BBS9: variants seen among roughly 807,000 people sequenced by gnomAD.
BBS9 encodes the protein protein PTHB1.
Under a neutral mutation model 117.7 loss-of-function variants are expected in BBS9, and 89 were observed. The ratio of observed to expected loss-of-function variants is 0.76; its 90% CI spans 0.64 to 0.90. BBS9 has a LOEUF of 0.90. Ranked by LOEUF, BBS9 falls within the 40% of genes least tolerant of loss-of-function variation. The probability of loss-of-function intolerance (pLI) is 0.00; values close to 1 mark genes in which losing one functional copy is unlikely to be tolerated. For synonymous variants in BBS9, 379 were observed against 370.9 expected (o/e 1.02, Z -0.25); for missense variants, 982 against 1,042.2 (o/e 0.94, Z 0.80).
intron 21 of BBS9, among the ~76,000 whole-genome samples, chr7:33,553,309 G>A (rs567151440): frequency 2.8e-4 from 42 of 152,292 alleles, no homozygotes; most frequent in African/African-American, 8.9e-4. Context: ...CAATGTCTGC[G>A]TTAGCTACTA....
intron 19 of BBS9, among the ~76,000 whole-genome samples, chr7:33,442,041 G>A (rs1362308412): frequency 1.1e-4 from 17 of 151,906 alleles, no homozygotes; most frequent in Admixed American, 8.5e-4. Context: ...ACAGGCACCC[G>A]CCACCATGCC....
At chr7:33,612,732 C>T (rs1421421979) in intron 21 of BBS9, among the ~76,000 whole-genome samples, 1 of 152,022 alleles carries the variant, frequency 6.6e-6, no homozygotes, top group Non-Finnish European at 1.5e-5. Flanking sequence ...AGTACCTCTT[C>T]CGGATGTTTT....
chr7:33,346,033 A>G (rs932336957), intron 12 of BBS9, among the ~76,000 whole-genome samples: 1 of 152,170 alleles, frequency 6.6e-6, no homozygotes, highest in Non-Finnish European at 1.5e-5. Context: ...GGAACTTACT[A>G]TATTTGAGAA....
At chr7:33,613,742 C>T (rs1864995172) in intron 21 of BBS9, among the ~76,000 whole-genome samples, 2 of 151,964 alleles carry the variant, frequency 1.3e-5, no homozygotes, top group Non-Finnish European at 2.9e-5. Flanking sequence ...ATAGTATTCC[C>T]TTAAAGTGAC....
At chr7:33,253,643 G>A (rs73309308) in intron 5 of BBS9, among the ~76,000 whole-genome samples, 17,173 of 152,136 alleles carry the variant, frequency 0.11, 1,143 homozygotes, top group African/African-American at 0.18. Flanking sequence ...TATTTCTGTC[G>A]TGTTTAACCA....
chr7:33,209,066 T>G (rs10278228), intron 5 of BBS9, among the ~76,000 whole-genome samples: 23,610 of 152,186 alleles, frequency 0.16, 2,047 homozygotes, highest in South Asian at 0.23. Context: ...TATTTTTTTG[T>G]ACATTTAGCC....
rs187174509 is a variant in BBS9 at position 33,390,269 on chromosome 7, G to C, written c.2115+2125G>C. The C allele has an allele frequency of 5.0e-5, 49 of 985,378 alleles. No individual in the cohort carries two copies. In the East Asian group the frequency reaches 5.1e-3, roughly 103 times the overall value. 61.0% of individuals were successfully genotyped at this position (985,378 alleles called of 1,614,324 possible). On this transcript the variant is annotated intron_variant, in intron 19 of 22. Transcript: ENST00000242067. The stretch of plus-strand genomic sequence containing the variant: ...GGTGGAAGGGCATTTAAAGGAACTT[G>C]AAGAGGATGCTTGATTTAATGCTTT...
rs749403663 is a variant in BBS9, at chr7:33,177,507, C to T, written c.358C>T (p.Gln120Ter). The change falls in exon 5 of 23, where the codon CAA (glutamine) becomes TAA (stop). Residue 120 changes from glutamine (Q) to a stop codon, truncating the protein, a stop_gained. Transcript: ENST00000242067. LOFTEE classifies it high-confidence loss of function. ...CTTGGGTAATGTGGAACATGGGAACCAATGTCAGATGAAATTGATGTATGA... is the reference window on the plus strand; with the variant it reads ...CTTGGGTAATGTGGAACATGGGAACTAATGTCAGATGAAATTGATGTATGA... ...GTLGNVEHGN[Q>*]CQMKLMYEHN... 1.9e-6 allele frequency: 3 copies of T among 1,612,258 alleles called. No individual in the cohort carries two copies. Among genetic ancestry groups the T allele is most frequent in the Admixed American group, 1.7e-5 (1 of 59,934 alleles).
At chr7:33,246,509 AT>A (rs560484125) in intron 5 of BBS9, among the ~76,000 whole-genome samples, 1 of 151,764 alleles carries the variant, frequency 6.6e-6, no homozygotes, top group Non-Finnish European at 1.5e-5. Context: ...AAAGTATTTA[AT>A]TTTTTTTGTT....
chr7:33,478,192 A>G (rs7798984), intron 19 of BBS9, among the ~76,000 whole-genome samples: 86,194 of 151,934 alleles, frequency 0.57, 26,606 homozygotes, highest in African/African-American at 0.83. Flanking sequence ...TTTTGAGGTC[A>G]AAGACTCCAG....
chr7:33,141,262 A>C (rs1203200254), intron 1 of BBS9, among the ~76,000 whole-genome samples: 1 of 152,138 alleles, frequency 6.6e-6, no homozygotes, highest in African/African-American at 2.4e-5. Flanking sequence ...ATCTCTACTA[A>C]AATACAAAAA....
At chr7:33,612,770 C>T (rs779359488) in intron 21 of BBS9, among the ~76,000 whole-genome samples, 17 of 152,008 alleles carry the variant, frequency 1.1e-4, no homozygotes, top group Non-Finnish European at 2.1e-4. Context: ...TCTGTCTGGT[C>T]AGGGTTCATT....
chr7:33,252,484 T>G (rs1176265927), intron 5 of BBS9, among the ~76,000 whole-genome samples: 1 of 152,140 alleles, frequency 6.6e-6, no homozygotes, highest in East Asian at 1.9e-4. Context: ...CTGGGCTCTG[T>G]GACCAGAGTT....
chr7:33,387,895 C>A, intron 18 of BBS9, 97 bp from the exon 19 acceptor site: 1 of 1,380,746 alleles, frequency 7.2e-7, no homozygotes, highest in Non-Finnish European at 1.0e-6. Flanking sequence ...TAAATTTCTT[C>A]ATTACTCTTT....
chr7:33,587,534 G>A (rs954737843), intron 21 of BBS9, among the ~76,000 whole-genome samples: 5 of 152,088 alleles, frequency 3.3e-5, no homozygotes, highest in African/African-American at 4.8e-5. Flanking sequence ...GGCAGTGCAG[G>A]ATGTATAGGA....
At chr7:33,295,372 G>A (rs896713564) in intron 9 of BBS9, among the ~76,000 whole-genome samples, 7 of 151,934 alleles carry the variant, frequency 4.6e-5, no homozygotes, top group Non-Finnish European at 1.0e-4. Context: ...TACAGATTAT[G>A]TAAAGTTTCA....
intron 5 of BBS9, among the ~76,000 whole-genome samples, chr7:33,240,180 A>G (rs1794238680): frequency 6.6e-6 from 1 of 151,844 alleles, no homozygotes; most frequent in Non-Finnish European, 1.5e-5. Flanking sequence ...TAGTTTATCT[A>G]TAATGAATGC....
chr7:33,323,099 T>A (rs928358019), intron 9 of BBS9, among the ~76,000 whole-genome samples: 1 of 152,146 alleles, frequency 6.6e-6, no homozygotes, highest in Non-Finnish European at 1.5e-5. Flanking sequence ...CAGAGAATAT[T>A]CTTGATGTTG....
intron 5 of BBS9, among the ~76,000 whole-genome samples, chr7:33,246,647 A>G (rs1280865714): frequency 6.6e-6 from 1 of 152,076 alleles, no homozygotes; most frequent in African/African-American, 2.4e-5. Context: ...TCATTCTTTA[A>G]TAATTTTTCT....
Sources: gnomAD v4.1 joint callset for allele counts (sites outside exome capture counted in the v4.1 genomes callset) on GRCh38, gnomAD v4.1.1 for gene constraint, MANE v1.5 for transcripts, NCBI Gene and HGNC (gene_info 2026-07-23, HGNC 2026-07-21) for gene names.